GLIPR2: variants seen among roughly 807,000 people sequenced by gnomAD.
GLIPR2 encodes the protein Golgi-associated plant pathogenesis-related protein 1.
A neutral mutation model predicts 20.4 loss-of-function variants in GLIPR2; 21 were observed. The observed-to-expected ratio is 1.03, with a 90% confidence interval of 0.73 to 1.48. The LOEUF is 1.48. GLIPR2 is among the 40% of genes most tolerant of loss of function. The probability of loss-of-function intolerance (pLI) is 0.00; values close to 1 mark genes in which losing one functional copy is unlikely to be tolerated. For missense variants in GLIPR2, 205 were observed against 200.1 expected (o/e 1.02, Z -0.15); for synonymous variants, 91 against 80.5 (o/e 1.13, Z -0.70).
intron 1 of GLIPR2, among the ~76,000 whole-genome samples, chr9:36,142,229 C>A (rs1825122330): frequency 6.6e-6 from 1 of 152,146 alleles, no homozygotes; most frequent in Non-Finnish European, 1.5e-5. Flanking sequence ...TACTGCTTTC[C>A]TCAGCTGTCC....
At chr9:36,147,698 G>A (rs1340393324) in intron 1 of GLIPR2, 88 bp from the exon 2 acceptor site, 1 of 752,666 alleles carries the variant, frequency 1.3e-6, no homozygotes, top group African/African-American at 1.7e-5. Context: ...CCTAAGGTTT[G>A]AGCTGGGTGT....
intron 2 of GLIPR2, 44 bp from the exon 3 acceptor site, chr9:36,148,503 C>A: frequency 6.9e-7 from 1 of 1,445,284 alleles, no homozygotes; most frequent in Middle Eastern, 1.8e-4. Flanking sequence ...TTTGGGGGTT[C>A]CCTGAACTGC....
In GLIPR2 at chr9:36,154,061, ATTATAT is replaced by A. The variant is rs1408400751; in HGVS notation, c.304+3113_304+3118del. On this transcript the variant is annotated intron_variant, in intron 4 of 4. Transcript: ENST00000377960. ...GAAACAATGTCTTATCATATTATATATTATATATTATATATTATATATTATATATAT... is the reference window on the plus strand; with the variant it reads ...GAAACAATGTCTTATCATATTATATAATTATATATTATATATTATATATAT... 9.5e-5 allele frequency among the ~76,000 whole-genome samples: 12 copies of A among 126,480 alleles called. No individual in the cohort carries two copies. The East Asian group carries it at 2.6e-3, about 28-fold the overall frequency. The allele number at this position is 126,480 out of a possible 152,430, so 83.0% of individuals were successfully genotyped here. A position where few individuals can be genotyped will look rare whatever the true frequency, so the allele number is the denominator to read the frequency against.
rs1250392734 is a variant in GLIPR2, at chr9:36,162,490, T to C, written c.433T>C (p.Phe145Leu). The C allele has an allele frequency of 5.0e-6, 8 of 1,614,096 alleles. No individual in the cohort carries two copies. The highest frequency in any genetic ancestry group is 5.9e-6 in the Non-Finnish European group (7 of 1,180,038). Residue 145 changes from phenylalanine to leucine, a missense_variant, in exon 5 of 5, where the codon TTC (phenylalanine) becomes CTC (leucine). Transcript: ENST00000377960. ...PAGNVVNEGF[F>L]EENVLPPKK ...GGGGAATGTTGTCAATGAGGGCTTCTTCGAAGAAAACGTCCTGCCGCCGAA... is the reference window on the plus strand; with the variant it reads ...GGGGAATGTTGTCAATGAGGGCTTCCTCGAAGAAAACGTCCTGCCGCCGAA...
At position 36,150,862 on chromosome 9, in the gene GLIPR2, T is replaced by C; in HGVS notation, c.227-10T>C. 1.9e-6 allele frequency: 3 copies of C among 1,604,944 alleles called. No homozygotes were observed. Among genetic ancestry groups the C allele is most frequent in the Non-Finnish European group, 2.6e-6 (3 of 1,172,388 alleles). ...TGGCTGAGTTTTAGAACAATGTCAT[T>C]TCCACACAGGAAAGGAGGTGGCTGA... On this transcript the variant is annotated splice_polypyrimidine_tract_variant and intron_variant, in intron 3 of 4. Coordinates refer to ENST00000377960, the MANE Select transcript of GLIPR2 (RefSeq NM_022343.4).
chr9:36,141,757 G>A (rs1187562085), intron 1 of GLIPR2: 2 of 446,834 alleles, frequency 4.5e-6, no homozygotes, highest in South Asian at 1.6e-5. Flanking sequence ...GGGCTCAAGC[G>A]ATCCTCCCAT....
chr9:36,156,348 C>T lies in GLIPR2; in HGVS notation c.304+5399C>T, dbSNP rs367713271. 1.4e-3 allele frequency among the ~76,000 whole-genome samples: 196 copies of T among 138,574 alleles called. 1 individual carries two copies. Among genetic ancestry groups the T allele is most frequent in the Middle Eastern group, 8.9e-3 (2 of 224 alleles). The allele number at this position is 138,574 out of a possible 152,430, so 90.9% of individuals were successfully genotyped here. On this transcript the variant is annotated intron_variant, in intron 4 of 4. Transcript: ENST00000377960. Reference sequence around the variant, plus strand: ...GTTGCAGTGAACCATGATTGCACCACGGCACTCCAGCCTGGACAACAGAGT... The same window carrying T: ...GTTGCAGTGAACCATGATTGCACCATGGCACTCCAGCCTGGACAACAGAGT...
chr9:36,152,418 C>G (rs1201246405), intron 4 of GLIPR2, among the ~76,000 whole-genome samples: 1 of 152,172 alleles, frequency 6.6e-6, no homozygotes, highest in Non-Finnish European at 1.5e-5. Context: ...TTAACTAGCA[C>G]TCTGCGTGTG....
At chr9:36,157,292 TGCTGA>T (rs1825875041) in intron 4 of GLIPR2, among the ~76,000 whole-genome samples, 1 of 151,546 alleles carries the variant, frequency 6.6e-6, no homozygotes, top group Non-Finnish European at 1.5e-5. Flanking sequence ...CCTCTCAAAG[TGCTGA>T]GAATACAGGC....
chr9:36,150,984 G>A (rs763753281), intron 4 of GLIPR2, 35 bp downstream of exon 4: 1 of 1,456,696 alleles, frequency 6.9e-7, no homozygotes, highest in Admixed American at 1.7e-5. Context: ...GCCTGGCCCT[G>A]GGCAGCAATG....
chr9:36,161,293 G>A (rs1826042830), intron 4 of GLIPR2, among the ~76,000 whole-genome samples: 1 of 152,126 alleles, frequency 6.6e-6, no homozygotes, highest in Non-Finnish European at 1.5e-5. Flanking sequence ...AGGTACCATT[G>A]ATGGAGATGG....
chr9:36,148,214 CT>C (rs1281181923), intron 2 of GLIPR2, among the ~76,000 whole-genome samples: 4 of 151,724 alleles, frequency 2.6e-5, no homozygotes, highest in Admixed American at 2.6e-4. Context: ...CGCCACTGCA[CT>C]CCAGCCTGGG....
intron 4 of GLIPR2, among the ~76,000 whole-genome samples, chr9:36,161,631 GAAA>G (rs1826056217): frequency 6.6e-6 from 1 of 152,062 alleles, no homozygotes; most frequent in Non-Finnish European, 1.5e-5. Context: ...TGGCATCCTA[GAAA>G]CCAAAAGGGG....
chr9:36,152,176 G>A (rs1031132673), intron 4 of GLIPR2, among the ~76,000 whole-genome samples: 4 of 152,200 alleles, frequency 2.6e-5, no homozygotes, highest in Non-Finnish European at 5.9e-5. Context: ...CAGGACTCCA[G>A]GCTGGGCTGG....
intron 1 of GLIPR2, among the ~76,000 whole-genome samples, chr9:36,145,582 A>G (rs112951740): frequency 0.014 from 2,197 of 152,318 alleles, 58 homozygotes; most frequent in African/African-American, 0.049. Flanking sequence ...TGGTAGATGT[A>G]TGGATGAATG....
intron 4 of GLIPR2, among the ~76,000 whole-genome samples, chr9:36,156,582 G>A (rs1194115491): frequency 1.3e-5 from 2 of 152,060 alleles, no homozygotes; most frequent in African/African-American, 4.8e-5. Context: ...TAGACCAGGG[G>A]ACCCCAACTC....
At chr9:36,160,675 A>G (rs1826017799) in intron 4 of GLIPR2, among the ~76,000 whole-genome samples, 2 of 152,190 alleles carry the variant, frequency 1.3e-5, no homozygotes, top group Admixed American at 1.3e-4. Flanking sequence ...TTTCATTCTA[A>G]GTGCATTGGG....
chr9:36,136,640 G>T, upstream of GLIPR2: 2 of 590,986 alleles, frequency 3.4e-6, no homozygotes, highest in African/African-American at 1.9e-5. This position sits in a 1 kb window ranked among gnomAD's most constrained non-coding sequence, Gnocchi z 4.3. Context: ...CTCAGCTGTC[G>T]CTCCTTATAA....
rs1374280789 is a variant in GLIPR2, at chr9:36,150,862, T to TTCC, written c.227-9_227-7dup. 2 of 1,604,826 alleles carry TTCC rather than the reference T, an allele frequency of 1.2e-6. No individual in the cohort carries two copies. The highest frequency in any genetic ancestry group is 3.3e-5 in the Admixed American group (2 of 59,706). On this transcript the variant is annotated splice_polypyrimidine_tract_variant and intron_variant, in intron 3 of 4. Coordinates refer to ENST00000377960, the MANE Select transcript of GLIPR2 (RefSeq NM_022343.4). ...TGGCTGAGTTTTAGAACAATGTCAT[T>TTCC]TCCACACAGGAAAGGAGGTGGCTGA...
Sources: allele counts gnomAD v4.1 joint callset (sites outside exome capture counted in the v4.1 genomes callset), GRCh38; gene constraint gnomAD v4.1.1; non-coding constraint Gnocchi (gnomAD v3.1); transcripts MANE v1.5; gene names NCBI Gene and HGNC (gene_info 2026-07-23, HGNC 2026-07-21).